The following IRAG1 variants were observed in gnomAD, a reference collection of about 807,000 sequenced individuals.
IRAG1 encodes IP3R-associated cGMP kinase substrate.
A neutral mutation model predicts 106.2 loss-of-function variants in IRAG1; 62 were observed. The ratio of observed to expected loss-of-function variants is 0.58; its 90% CI spans 0.48 to 0.72. IRAG1 has a LOEUF of 0.72. Among genes scored for constraint, IRAG1 ranks in the 30% least tolerant of loss-of-function variants. The pLI is 0.00. For missense variants in IRAG1, 1,064 were observed against 1,140.7 expected (o/e 0.93, Z 0.97); for synonymous variants, 462 against 443.9 (o/e 1.04, Z -0.51).
intron 2 of IRAG1, among the ~76,000 whole-genome samples, chr11:10,649,527 A>G (rs1226920722): frequency 1.3e-5 from 2 of 152,196 alleles, no homozygotes; most frequent in East Asian, 3.8e-4. Context: ...ACCAGAATGT[A>G]GAGGAGCTGG....
chr11:10,628,786 G>A lies in IRAG1; in HGVS notation c.617C>T (p.Ser206Phe). ...GGGGACTGTAAGTGAGTTGCTCCGAGAGGATGTAGGAGAAGCGCTGGGGCT... is the reference window on the plus strand; with the variant it reads ...GGGGACTGTAAGTGAGTTGCTCCGAAAGGATGTAGGAGAAGCGCTGGGGCT... ...NLSPSASPTS[S>F]RSNSLTVPTP... Residue 206 changes from serine (S) to phenylalanine (F), a missense_variant, in exon 6 of 21, where the codon TCT (serine) becomes TTT (phenylalanine). Coordinates refer to ENST00000423302, the MANE Select transcript of IRAG1 (RefSeq NM_130385.4). This position sits in a 1 kb window ranked among gnomAD's most constrained non-coding sequence, Gnocchi z 4.1. The A allele has an allele frequency of 6.4e-7, 1 of 1,561,246 alleles. No individual in the cohort carries two copies. Among genetic ancestry groups the A allele is most frequent in the East Asian group, 2.4e-5 (1 of 41,506 alleles).
intron 15 of IRAG1, among the ~76,000 whole-genome samples, chr11:10,599,434 C>T (rs1028653366): frequency 2.9e-4 from 44 of 152,110 alleles, no homozygotes; most frequent in African/African-American, 7.5e-4. Flanking sequence ...ATTCCTTTGG[C>T]GGCAACTTCC....
At chr11:10,594,273 TC>T in intron 15 of IRAG1, 78 bp from the exon 16 acceptor site, 1 of 1,394,040 alleles carries the variant, frequency 7.2e-7, no homozygotes, top group Non-Finnish European at 1.0e-6. Flanking sequence ...AACTAGGCTA[TC>T]GTATCCATGG....
chr11:10,682,312 TG>T (rs1323256532), intron 1 of IRAG1, among the ~76,000 whole-genome samples: 1 of 152,238 alleles, frequency 6.6e-6, no homozygotes, highest in Non-Finnish European at 1.5e-5. Context: ...TCTTCCCCTC[TG>T]GGACTCTAAA....
chr11:10,643,798 T>A (rs959676861), intron 2 of IRAG1, among the ~76,000 whole-genome samples: 2 of 152,014 alleles, frequency 1.3e-5, no homozygotes, highest in Non-Finnish European at 2.9e-5. Flanking sequence ...TGGGTGGAGA[T>A]ACACATGTGA....
intron 11 of IRAG1, among the ~76,000 whole-genome samples, chr11:10,607,757 G>A (rs1457761125): frequency 6.6e-6 from 1 of 152,150 alleles, no homozygotes. Flanking sequence ...CATCTCTGCA[G>A]GGGGCTGGTT....
At chr11:10,687,856 G>A in intron 1 of IRAG1, 1 of 1,209,684 alleles carries the variant, frequency 8.3e-7, no homozygotes. Flanking sequence ...TGGGCTAAGG[G>A]ATTTAGCTTT....
chr11:10,677,382 A>AT (rs377221329), intron 1 of IRAG1, among the ~76,000 whole-genome samples: 9 of 151,972 alleles, frequency 5.9e-5, no homozygotes, highest in Non-Finnish European at 7.4e-5. Context: ...TAATTTATAC[A>AT]TTTTTTTTGA....
At chr11:10,681,366 T>C (rs1172983897) in intron 1 of IRAG1, among the ~76,000 whole-genome samples, 1 of 152,240 alleles carries the variant, frequency 6.6e-6, no homozygotes, top group Non-Finnish European at 1.5e-5. Context: ...GCATTCCCTT[T>C]AGCAGTAAAT....
chr11:10,577,381 C>CA (rs1850932050), intron 20 of IRAG1, among the ~76,000 whole-genome samples: 1 of 152,056 alleles, frequency 6.6e-6, no homozygotes, highest in South Asian at 2.1e-4. Context: ...AACTGTCTTT[C>CA]ATTTTGTCCT....
rs1304337579 is a variant in IRAG1 at position 10,626,374 on chromosome 11, G to A, written c.960C>T (p.Ser320=). The change falls in exon 9 of 21, where the codon AGC becomes AGT. Residue 320 remains serine (S), a synonymous_variant. Transcript: ENST00000423302. Reference sequence around the variant, plus strand: ...CGCTCTCCACGGGGCCAGGCTGAGGGCTGTTCAGGGCCATTTTCCCACTGC... The same window carrying A: ...CGCTCTCCACGGGGCCAGGCTGAGGACTGTTCAGGGCCATTTTCCCACTGC... The part of the protein sequence containing the change: ...TNSSGKMALN[S]PQPGPVESEL... The A allele has an allele frequency of 2.5e-6, 4 of 1,613,760 alleles. No individual in the cohort carries two copies. The highest frequency in any genetic ancestry group is 3.4e-6 in the Non-Finnish European group (4 of 1,179,850).
At position 10,657,797 on chromosome 11, in the gene IRAG1, T is replaced by C. The variant is rs1011893024; in HGVS notation, c.68-5615A>G. On this transcript the variant is annotated intron_variant, in intron 1 of 20. Transcript: ENST00000423302. This position sits in a 1 kb window ranked among gnomAD's most constrained non-coding sequence, Gnocchi z 4.1. ...GCCCTTCTGCAAATCCAGAGGGTGA[T>C]GGAGGGACACTGAGAACTCACCAGT... Among the ~76,000 whole-genome samples the C allele has an allele frequency of 2.0e-5, 3 of 152,042 alleles. No individual in the cohort carries two copies. Among genetic ancestry groups the C allele is most frequent in the Non-Finnish European group, 2.9e-5 (2 of 68,022 alleles).
chr11:10,648,798 TGC>T (rs1858193622), intron 2 of IRAG1, among the ~76,000 whole-genome samples: 1 of 151,740 alleles, frequency 6.6e-6, no homozygotes, highest in African/African-American at 2.4e-5. Flanking sequence ...CCTGTGTATC[TGC>T]GTGTGTGTCT....
chr11:10,629,756 G>A (rs1856546262), intron 4 of IRAG1, 45 bp from the exon 5 acceptor site: 2 of 1,585,366 alleles, frequency 1.3e-6, no homozygotes, highest in Non-Finnish European at 1.7e-6. Context: ...TGCATCCGTG[G>A]CCCCAGGCTG....
chr11:10,637,360 C>T (rs1318488125), intron 2 of IRAG1, among the ~76,000 whole-genome samples: 1 of 152,116 alleles, frequency 6.6e-6, no homozygotes, highest in Admixed American at 6.6e-5. Context: ...CCTCTGAGGA[C>T]ACAGATACCC....
At position 10,651,070 on chromosome 11, in the gene IRAG1, T is replaced by C. The variant is rs115648967; in HGVS notation, c.225+955A>G. ...CCCACCTGGCTCAGGTCAGTTTGGATGACTGTCCGATATAACAGGACAATA... is the reference window on the plus strand; with the variant it reads ...CCCACCTGGCTCAGGTCAGTTTGGACGACTGTCCGATATAACAGGACAATA... On this transcript the variant is annotated intron_variant, in intron 2 of 20. Transcript: ENST00000423302. 2.7e-3 allele frequency among the ~76,000 whole-genome samples: 416 copies of C among 152,366 alleles called. 2 individuals are homozygous for C. The highest frequency in any genetic ancestry group is 9.0e-3 in the African/African-American group (374 of 41,584).
chr11:10,662,340 C>A (rs191560082), intron 1 of IRAG1, among the ~76,000 whole-genome samples: 2 of 152,116 alleles, frequency 1.3e-5, no homozygotes, highest in African/African-American at 4.8e-5. Context: ...AGGTTAATGG[C>A]CAAGTTTTTC....
At chr11:10,680,269 GGAAA>G (rs1861048947) in intron 1 of IRAG1, among the ~76,000 whole-genome samples, 1 of 129,044 alleles carries the variant, frequency 7.7e-6, no homozygotes, top group Non-Finnish European at 1.6e-5. Context: ...ATGAAACTGA[GGAAA>G]GAAAGAAAGA....
intron 2 of IRAG1, among the ~76,000 whole-genome samples, chr11:10,642,761 G>A (rs988398941): frequency 2.0e-5 from 3 of 152,240 alleles, no homozygotes; most frequent in African/African-American, 7.2e-5. Flanking sequence ...TGCGTGCTGT[G>A]AGACTGTATC....
Sources: gnomAD v4.1 joint callset for allele counts (sites outside exome capture counted in the v4.1 genomes callset) on GRCh38, gnomAD v4.1.1 for gene constraint, Gnocchi (gnomAD v3.1) non-coding constraint, MANE v1.5 for transcripts, NCBI Gene and HGNC (gene_info 2026-07-23, HGNC 2026-07-21) for gene names.